The following HDAC1 variants were observed in gnomAD, a reference collection of about 807,000 sequenced individuals.
The protein encoded by HDAC1 is histone deacetylase 1.
HDAC1 carries 18 observed loss-of-function variants against 65.5 expected under a neutral mutation model. That is an observed-to-expected ratio of 0.27 (90% CI 0.19 to 0.41). HDAC1 has a LOEUF of 0.41. Ranked by LOEUF, HDAC1 falls within the 10% of genes least tolerant of loss-of-function variation. The probability of loss-of-function intolerance (pLI) is 1.00; values close to 1 mark genes in which losing one functional copy is unlikely to be tolerated. For synonymous variants in HDAC1, 211 were observed against 227.9 expected, an observed-to-expected ratio of 0.93 and a Z score of 0.67; for missense variants, 373 against 625.2, an observed-to-expected ratio of 0.60 and a Z score of 4.30.
At chr1:32,298,236 A>G (rs375310314) in intron 1 of HDAC1, among the ~76,000 whole-genome samples, 18 of 151,466 alleles carry the variant, frequency 1.2e-4, no homozygotes, top group East Asian at 3.9e-4. Context: ...TTACAGGCAT[A>G]TGCCACCACG....
chr1:32,321,369 C>G (rs1271286190), intron 3 of HDAC1, among the ~76,000 whole-genome samples: 1 of 149,714 alleles, frequency 6.7e-6, no homozygotes, highest in Admixed American at 6.7e-5. Context: ...CTCTCCCACT[C>G]CCCCAGCCCC....
chr1:32,295,091 TAG>T (rs1311890248), intron 1 of HDAC1, among the ~76,000 whole-genome samples: 1 of 152,152 alleles, frequency 6.6e-6, no homozygotes, highest in African/African-American at 2.4e-5. Flanking sequence ...ATCAGTATCT[TAG>T]TCTGCTATAA....
intron 6 of HDAC1, 132 bp from the exon 7 acceptor site, chr1:32,328,936 T>G: frequency 1.4e-6 from 1 of 692,748 alleles, no homozygotes; most frequent in Non-Finnish European, 2.6e-6. Flanking sequence ...AAGGTACCTC[T>G]GTTCTGTCCT....
At chr1:32,295,143 G>A (rs1267846643) in intron 1 of HDAC1, among the ~76,000 whole-genome samples, 1 of 152,154 alleles carries the variant, frequency 6.6e-6, no homozygotes, top group Non-Finnish European at 1.5e-5. Context: ...GCTGAATGTG[G>A]TGGCTCACGC....
intron 3 of HDAC1, among the ~76,000 whole-genome samples, chr1:32,320,173 T>G (rs1364099360): frequency 6.7e-6 from 1 of 150,272 alleles, no homozygotes; most frequent in Non-Finnish European, 1.5e-5. Flanking sequence ...TGAGCCGAGA[T>G]CACGCCACTG....
intron 3 of HDAC1, among the ~76,000 whole-genome samples, chr1:32,322,385 T>C (rs2148068001): frequency 6.6e-6 from 1 of 152,170 alleles, no homozygotes; most frequent in South Asian, 2.1e-4. Flanking sequence ...CAAGTGATTC[T>C]CCTGCCTCAG....
chr1:32,323,762 C>T lies in HDAC1; in HGVS notation c.281-717C>T, dbSNP rs142770956. Among the ~76,000 whole-genome samples, 155 of 152,242 alleles carry T rather than the reference C, an allele frequency of 1.0e-3. No individual in the cohort carries two copies. The Middle Eastern group carries it at 0.037, about 37-fold the overall frequency. On this transcript the variant is annotated intron_variant, in intron 3 of 13. Coordinates refer to ENST00000373548, the MANE Select transcript of HDAC1 (RefSeq NM_004964.3). Reference sequence around the variant, plus strand: ...AGAAGCTTGTGTGAAGATGAATGATCTCGGGTATTTAACGCATGTAGCGCA... The same window carrying T: ...AGAAGCTTGTGTGAAGATGAATGATTTCGGGTATTTAACGCATGTAGCGCA...
At chr1:32,311,515 T>C (rs766404541) in intron 2 of HDAC1, among the ~76,000 whole-genome samples, 8 of 151,128 alleles carry the variant, frequency 5.3e-5, no homozygotes, top group Non-Finnish European at 1.0e-4. Flanking sequence ...AACAACTAGG[T>C]GGTTGGTGCT....
chr1:32,301,534 C>T (rs1348101734), intron 1 of HDAC1, among the ~76,000 whole-genome samples: 2 of 152,090 alleles, frequency 1.3e-5, no homozygotes, highest in African/African-American at 4.8e-5. Context: ...CTTTGGGAGG[C>T]CGAGGTGAGT....
intron 2 of HDAC1, among the ~76,000 whole-genome samples, chr1:32,311,767 A>G (rs1459917633): frequency 6.6e-6 from 1 of 152,166 alleles, no homozygotes; most frequent in East Asian, 1.9e-4. Flanking sequence ...CTCAACAACA[A>G]ATTGTTGAGT....
chr1:32,306,325 A>C (rs1167426358), intron 2 of HDAC1, among the ~76,000 whole-genome samples: 3 of 151,596 alleles, frequency 2.0e-5, no homozygotes, highest in Non-Finnish European at 4.4e-5. Flanking sequence ...CGGCCAGCTA[A>C]TTTTGTATTT....
At chr1:32,325,618 C>T (rs927808292) in intron 4 of HDAC1, among the ~76,000 whole-genome samples, 1 of 152,218 alleles carries the variant, frequency 6.6e-6, no homozygotes, top group African/African-American at 2.4e-5. Context: ...TAGTTTTCTA[C>T]AGCTTGCTTT....
chr1:32,293,901 CAAAA>C (rs566733201), intron 1 of HDAC1, among the ~76,000 whole-genome samples: 1 of 116,824 alleles, frequency 8.6e-6, no homozygotes, highest in Admixed American at 8.8e-5. Flanking sequence ...GACTCCATCT[CAAAA>C]AAAAAAAAAA....
intron 2 of HDAC1, among the ~76,000 whole-genome samples, chr1:32,307,666 T>G (rs904375982): frequency 6.6e-6 from 1 of 152,210 alleles, no homozygotes; most frequent in African/African-American, 2.4e-5. Flanking sequence ...GTAATATTTT[T>G]GGACAGTGAT....
At position 32,292,096 on chromosome 1, in the gene HDAC1, G is replaced by T; in HGVS notation, c.-74G>T. ...CCGGAGGCCCGCCCCCTCCCCCCTGGGTCGGACGCTGAGCGGAGCCGCGGG... is the reference window on the plus strand; with the variant it reads ...CCGGAGGCCCGCCCCCTCCCCCCTGTGTCGGACGCTGAGCGGAGCCGCGGG... On this transcript the variant is annotated 5_prime_UTR_variant, in exon 1 of 14. Transcript: ENST00000373548. 1 of 1,448,226 alleles carries T rather than the reference G, an allele frequency of 6.9e-7. No individual in the cohort carries two copies. The allele number at this position is 1,448,226 out of a possible 1,614,324, so 89.7% of individuals were successfully genotyped here.
At chr1:32,332,784 C>T in intron 13 of HDAC1, 35 bp downstream of exon 13, 1 of 1,522,652 alleles carries the variant, frequency 6.6e-7, no homozygotes, top group Non-Finnish European at 8.9e-7. Context: ...ATCTCCCTGG[C>T]ATTGGAGCAC....
intron 1 of HDAC1, among the ~76,000 whole-genome samples, chr1:32,297,412 G>A (rs1357945155): frequency 6.6e-6 from 1 of 152,100 alleles, no homozygotes; most frequent in Non-Finnish European, 1.5e-5. Flanking sequence ...AGCTGGGTGT[G>A]GTGGCACTTG....
chr1:32,327,267 G>A lies in HDAC1; in HGVS notation c.494+190G>A, dbSNP rs1459678001. On this transcript the variant is annotated intron_variant, in intron 5 of 13. Transcript: ENST00000373548. This position sits in a 1 kb window ranked among gnomAD's most constrained non-coding sequence, Gnocchi z 6.0. ...TGATCTGAGCCACGGCATGATCAGG[G>A]GCAGATGCTGCTCAGATCCTGCCTC... The A allele has an allele frequency of 1.6e-6, 1 of 629,730 alleles. No individual in the cohort carries two copies. The highest frequency in any genetic ancestry group is 2.8e-6 in the Non-Finnish European group (1 of 359,970). 39.0% of individuals were successfully genotyped at this position (629,730 alleles called of 1,614,324 possible). A position where few individuals can be genotyped will look rare whatever the true frequency, so the allele number is the denominator to read the frequency against.
chr1:32,330,185 G>C lies in HDAC1; in HGVS notation c.730-393G>C. The stretch of plus-strand genomic sequence containing the variant: ...CGTTAGACTCTGCTTGTGAGAATAA[G>C]ATAAACTAAAAGTGCTTGCTCATAA... On this transcript the variant is annotated intron_variant, in intron 7 of 13. Transcript: ENST00000373548. This position sits in a 1 kb window ranked among gnomAD's most constrained non-coding sequence, Gnocchi z 4.2. 1 of 213,534 alleles carries C rather than the reference G, an allele frequency of 4.7e-6. No homozygotes were observed. Among genetic ancestry groups the C allele is most frequent in the Non-Finnish European group, 9.6e-6 (1 of 104,622 alleles). 13.2% of individuals were successfully genotyped at this position (213,534 alleles called of 1,614,324 possible). A position where few individuals can be genotyped will look rare whatever the true frequency, so the allele number is the denominator to read the frequency against.
Sources: gnomAD v4.1 joint callset for allele counts (sites outside exome capture counted in the v4.1 genomes callset) on GRCh38, gnomAD v4.1.1 for gene constraint, Gnocchi (gnomAD v3.1) non-coding constraint, MANE v1.5 for transcripts, NCBI Gene and HGNC (gene_info 2026-07-23, HGNC 2026-07-21) for gene names.